Variants in RCSD1 observed in about 807,000 individuals in gnomAD.
RCSD1 encodes capZ-interacting protein.
Under a neutral mutation model 42.5 loss-of-function variants are expected in RCSD1, and 26 were observed. That is an observed-to-expected ratio of 0.61 (90% CI 0.45 to 0.85). RCSD1 has a LOEUF of 0.85. Among genes scored for constraint, RCSD1 ranks in the 40% least tolerant of loss-of-function variants. The pLI, the probability that RCSD1 is intolerant of heterozygous loss-of-function variation, is 0.00. For missense variants in RCSD1, 571 were observed against 528.3 expected, an observed-to-expected ratio of 1.08 and a Z score of -0.79; for synonymous variants, 220 against 212.2, an observed-to-expected ratio of 1.04 and a Z score of -0.32.
chr1:167,698,121 G>C (rs12021559), intron 6 of RCSD1, among the ~76,000 whole-genome samples: 1 of 152,196 alleles, frequency 6.6e-6, no homozygotes, highest in East Asian at 1.9e-4. Context: ...ACCGAGCCTC[G>C]GCACGGCTCA....
At chr1:167,634,939 AGAGTGTGTGT>A (rs745358326) in intron 1 of RCSD1, among the ~76,000 whole-genome samples, 4 of 74,488 alleles carry the variant, frequency 5.4e-5, no homozygotes, top group East Asian at 1.1e-3. Flanking sequence ...TACTATGATG[AGAGTGTGTGT>A]GTGTGTGTGT....
At chr1:167,679,232 CT>C (rs10716397) in intron 1 of RCSD1, among the ~76,000 whole-genome samples, 6,271 of 152,314 alleles carry the variant, frequency 0.041, 184 homozygotes, top group Middle Eastern at 0.099. Flanking sequence ...TAGTAACTTA[CT>C]TAGCAACTCT....
At chr1:167,674,245 TA>T (rs1658884713) in intron 1 of RCSD1, among the ~76,000 whole-genome samples, 1 of 152,202 alleles carries the variant, frequency 6.6e-6, no homozygotes, top group Admixed American at 6.5e-5. Context: ...CACAGACCTA[TA>T]AGCCCTCCCA....
intron 1 of RCSD1, among the ~76,000 whole-genome samples, chr1:167,682,118 C>G (rs1017577757): frequency 6.6e-6 from 1 of 151,862 alleles, no homozygotes; most frequent in African/African-American, 2.4e-5. Context: ...AACAGCTGTT[C>G]GCAGATCGGA....
In RCSD1 at chr1:167,690,078, T is replaced by C; in HGVS notation, c.228T>C (p.Pro76=). The change falls in exon 4 of 7, where the codon CCT becomes CCC. Residue 76 remains proline (P), a synonymous_variant. Coordinates refer to ENST00000367854, the MANE Select transcript of RCSD1 (RefSeq NM_052862.4). ...CACCACCCAATGCGAGCCACCCTCC[T>C]AAATTCAAGGTCAAGAGCTCGCCTC... ...EKSPPNASHP[P]KFKVKSSPLI... is the part of the protein sequence containing the mutation. The C allele has an allele frequency of 6.2e-7, 1 of 1,614,168 alleles. No individual in the cohort carries two copies. The highest frequency in any genetic ancestry group is 8.5e-7 in the Non-Finnish European group (1 of 1,180,022).
Position 167,705,771 on chromosome 1 carries a change from G to T in RCSD1, c.*1075G>T, listed in dbSNP as rs1193272839. The T allele has an allele frequency of 6.6e-6, 1 of 152,198 alleles. No individual in the cohort carries two copies. Among genetic ancestry groups the T allele is most frequent in the African/African-American group, 2.4e-5 (1 of 41,438 alleles). The allele number at this position is 152,198 out of a possible 1,614,324, so 9.4% of individuals were successfully genotyped here. On this transcript the variant is annotated 3_prime_UTR_variant, in exon 7 of 7. Transcript: ENST00000367854. ...AGTCTCTTCTTATTGGGTAGCTCTT[G>T]CTTTAATATTCTGTTTGGTGAGTGT...
intron 1 of RCSD1, among the ~76,000 whole-genome samples, chr1:167,677,003 C>T (rs1251815130): frequency 6.6e-6 from 1 of 152,236 alleles, no homozygotes; most frequent in Admixed American, 6.5e-5. Flanking sequence ...GAGCCAGTTG[C>T]AGAGACCAAG....
At chr1:167,683,025 C>T (rs143454019) in intron 1 of RCSD1, among the ~76,000 whole-genome samples, 63 of 152,312 alleles carry the variant, frequency 4.1e-4, no homozygotes, top group African/African-American at 1.5e-3. Flanking sequence ...CACTGACTTA[C>T]TCTGTGTGTC....
At chr1:167,637,880 GA>G (rs1657901563) in intron 1 of RCSD1, among the ~76,000 whole-genome samples, 1 of 152,160 alleles carries the variant, frequency 6.6e-6, no homozygotes, top group Non-Finnish European at 1.5e-5. Flanking sequence ...CCCAGAGGCA[GA>G]CAAGGGATGC....
intron 1 of RCSD1, among the ~76,000 whole-genome samples, chr1:167,646,405 A>G (rs1658146205): frequency 6.6e-6 from 1 of 150,908 alleles, no homozygotes; most frequent in South Asian, 2.1e-4. Flanking sequence ...ACAGTGAAAG[A>G]GGGCTTGGGA....
At chr1:167,638,927 C>T (rs1239338071) in intron 1 of RCSD1, among the ~76,000 whole-genome samples, 1 of 152,112 alleles carries the variant, frequency 6.6e-6, no homozygotes, top group Non-Finnish European at 1.5e-5. Context: ...GAGTTAAAAC[C>T]AAGGTCCTGG....
intron 1 of RCSD1, among the ~76,000 whole-genome samples, chr1:167,683,586 C>A (rs1488778875): frequency 1.3e-5 from 2 of 152,176 alleles, no homozygotes. Flanking sequence ...TTGCCCTTTG[C>A]CGGTGGGGTC....
intron 1 of RCSD1, chr1:167,633,872 T>C (rs1657763179): frequency 6.6e-6 from 1 of 152,068 alleles, no homozygotes; most frequent in African/African-American, 2.4e-5. Flanking sequence ...ATGGAGAAGA[T>C]GGAAAAGAGT....
At chr1:167,693,506 G>A (rs1659426569) in intron 4 of RCSD1, among the ~76,000 whole-genome samples, 1 of 152,218 alleles carries the variant, frequency 6.6e-6, no homozygotes, top group Admixed American at 6.5e-5. Context: ...GGAGCTCAGT[G>A]GCCTACTGTG....
chr1:167,683,980 G>A lies in RCSD1; in HGVS notation c.87G>A (p.Glu29=), dbSNP rs138951550. Residue 29 remains glutamate, a synonymous_variant, in exon 2 of 7, where the codon GAG becomes GAA. Coordinates refer to ENST00000367854, the MANE Select transcript of RCSD1 (RefSeq NM_052862.4). ...CCCAGCTGGCCGGGCGGTTTAGGGA[G>A]CAGGCGGCTGCAGCCAAGGAGGTGA... ...SVAQLAGRFR[E]QAAAAKETPA... is the part of the protein sequence containing the mutation. The A allele has an allele frequency of 6.2e-7, 1 of 1,613,626 alleles. No homozygotes were observed. The highest frequency in any genetic ancestry group is 8.5e-7 in the Non-Finnish European group (1 of 1,180,002).
chr1:167,683,451 C>T (rs534955990), intron 1 of RCSD1, among the ~76,000 whole-genome samples: 5 of 152,272 alleles, frequency 3.3e-5, no homozygotes, highest in East Asian at 1.9e-4. Context: ...ATTTACTGAG[C>T]GCTTCTTTAC....
At position 167,655,920 on chromosome 1, in the gene RCSD1, A is replaced by G. The variant is rs758882556; in HGVS notation, c.6+25491A>G. Among the ~76,000 whole-genome samples, 35 of 152,206 alleles carry G rather than the reference A, an allele frequency of 2.3e-4. 1 individual carries two copies. Among genetic ancestry groups the G allele is most frequent in the Non-Finnish European group, 3.7e-4 (25 of 68,032 alleles). ...AAACTAAAACTTTGGGAAAAACACC[A>G]TGTTCTACTTGCACCAGAGAAGCCC... On this transcript the variant is annotated intron_variant, in intron 1 of 6. Transcript: ENST00000367854.
intron 1 of RCSD1, among the ~76,000 whole-genome samples, chr1:167,673,957 C>T (rs1407912977): frequency 6.6e-6 from 1 of 152,230 alleles, no homozygotes; most frequent in Non-Finnish European, 1.5e-5. Flanking sequence ...TTCTCCTGAG[C>T]TTCCATTGCA....
At chr1:167,684,173 G>C (rs1659163120) in intron 2 of RCSD1, among the ~76,000 whole-genome samples, 172 bp downstream of exon 2, 1 of 152,240 alleles carries the variant, frequency 6.6e-6, no homozygotes, top group South Asian at 2.1e-4. Context: ...CTGCTGCTGT[G>C]CCTGGACAGA....
Sources: allele counts gnomAD v4.1 joint callset (sites outside exome capture counted in the v4.1 genomes callset), GRCh38; gene constraint gnomAD v4.1.1; transcripts MANE v1.5; gene names NCBI Gene and HGNC (gene_info 2026-07-23, HGNC 2026-07-21).